Variants in CCND3 observed in about 807,000 individuals in gnomAD.
The protein encoded by CCND3 is cyclin D3, also known as G1/S-specific cyclin-D3.
CCND3 carries 9 observed loss-of-function variants against 28.7 expected under a neutral mutation model. That is an observed-to-expected ratio of 0.31 (90% CI 0.19 to 0.55). The LOEUF (loss-of-function observed/expected upper bound fraction) is 0.55. CCND3 is among the 20% of genes least tolerant of loss of function. The pLI is 0.93. For synonymous variants in CCND3, 164 were observed against 163.9 expected (o/e 1.00, Z 0.00); for missense variants, 315 against 385.8 (o/e 0.82, Z 1.54).
chr6:41,949,299 G>A (rs372704116), intron 1 of CCND3, among the ~76,000 whole-genome samples: 1 of 152,090 alleles, frequency 6.6e-6, no homozygotes, highest in East Asian at 1.9e-4. Context: ...GAGGCCAGGC[G>A]TTCAAGACCA....
At chr6:42,000,263 G>GTTTA (rs1762958941) in intron 1 of CCND3, among the ~76,000 whole-genome samples, 36 of 84,988 alleles carry the variant, frequency 4.2e-4, no homozygotes, top group Non-Finnish European at 5.1e-4. Context: ...TTTTTTTTTG[G>GTTTA]GACAGAGTCT....
intron 1 of CCND3, among the ~76,000 whole-genome samples, chr6:42,014,338 A>T (rs1187749935): frequency 6.6e-6 from 1 of 152,028 alleles, no homozygotes; most frequent in Non-Finnish European, 1.5e-5. Context: ...ACTGCACTCC[A>T]GCCTGGGCAA....
intron 1 of CCND3, among the ~76,000 whole-genome samples, chr6:41,957,620 CT>C (rs1776468482): frequency 6.6e-6 from 1 of 152,078 alleles, no homozygotes; most frequent in Non-Finnish European, 1.5e-5. Flanking sequence ...TGAATAAATC[CT>C]GTTTTCTCCC....
At chr6:42,028,445 G>T (rs534863429) in intron 1 of CCND3, among the ~76,000 whole-genome samples, 1 of 152,286 alleles carries the variant, frequency 6.6e-6, no homozygotes. Flanking sequence ...TCTCATTTTT[G>T]TCTGCCCATC....
intron 1 of CCND3, among the ~76,000 whole-genome samples, chr6:41,979,405 G>A (rs538417446): frequency 1.3e-5 from 2 of 150,100 alleles, no homozygotes; most frequent in Admixed American, 6.7e-5. Flanking sequence ...GTGGTGGCAG[G>A]CACCTGTAGT....
At chr6:41,960,558 C>A (rs1235938120) in intron 1 of CCND3, among the ~76,000 whole-genome samples, 1 of 152,106 alleles carries the variant, frequency 6.6e-6, no homozygotes, top group Non-Finnish European at 1.5e-5. Context: ...TGTGTGTGAC[C>A]GGGGGAAATT....
chr6:42,034,177 C>T (rs1764128664), intron 1 of CCND3, among the ~76,000 whole-genome samples: 2 of 148,464 alleles, frequency 1.3e-5, no homozygotes, highest in South Asian at 4.3e-4. Context: ...GATGGAGCCT[C>T]GCTCTTGTTG....
At chr6:41,999,456 G>A (rs1055013924) in intron 1 of CCND3, among the ~76,000 whole-genome samples, 10 of 152,042 alleles carry the variant, frequency 6.6e-5, no homozygotes, top group African/African-American at 2.4e-4. Flanking sequence ...CACCTGCCTC[G>A]GCCTCCCAAA....
chr6:42,007,344 G>A (rs540541450), intron 1 of CCND3, among the ~76,000 whole-genome samples: 3 of 152,290 alleles, frequency 2.0e-5, no homozygotes, highest in East Asian at 1.9e-4. Flanking sequence ...ATAGATGGGC[G>A]GGTGGATGGC....
intron 1 of CCND3, among the ~76,000 whole-genome samples, chr6:41,993,410 C>CT (rs70987558): frequency 0.16 from 16,574 of 101,606 alleles, 1,634 homozygotes; most frequent in East Asian, 0.33. Context: ...CTCATGTCTT[C>CT]TTTTTTTTTT....
chr6:41,943,560 T>C (rs1776097532), upstream of CCND3, among the ~76,000 whole-genome samples: 1 of 152,242 alleles, frequency 6.6e-6, no homozygotes. Flanking sequence ...TTAGACATAA[T>C]ACTGTAAAAT....
intron 1 of CCND3, among the ~76,000 whole-genome samples, chr6:41,960,946 G>A (rs7773255): frequency 0.1 from 15,395 of 152,156 alleles, 815 homozygotes; most frequent in African/African-American, 0.11. Flanking sequence ...AGAATAATGG[G>A]GGAGAACTCA....
At chr6:41,960,056 G>C (rs1761678526) in intron 1 of CCND3, among the ~76,000 whole-genome samples, 1 of 152,120 alleles carries the variant, frequency 6.6e-6, no homozygotes, top group South Asian at 2.1e-4. Flanking sequence ...GCCATAAAAA[G>C]GAGTGCAGTA....
In CCND3 at chr6:41,941,733, T is replaced by A; in HGVS notation, c.-84A>T. On this transcript the variant is annotated 5_prime_UTR_variant, in exon 1 of 5. Coordinates refer to ENST00000372991, the MANE Select transcript of CCND3 (RefSeq NM_001760.5). The surrounding 1 kb of genome is among the most constrained non-coding windows in gnomAD (Gnocchi z 6.1). The stretch of plus-strand genomic sequence containing the variant: ...CGGGCCGGAGAGCGCGGGGCGCGGG[T>A]CTGGCGCTGGCGCTGGCACTGCGCG... 9.5e-7 allele frequency: 1 copy of A among 1,049,244 alleles called. No individual in the cohort carries two copies. 65.0% of individuals were successfully genotyped at this position (1,049,244 alleles called of 1,614,324 possible).
chr6:41,992,489 T>A (rs1582139653), intron 1 of CCND3, among the ~76,000 whole-genome samples: 2 of 113,700 alleles, frequency 1.8e-5, no homozygotes, highest in Middle Eastern at 6.8e-3. Context: ...TTAGATGGAG[T>A]CTTGCTCTGT....
At chr6:41,965,272 G>A (rs532009261) in intron 1 of CCND3, among the ~76,000 whole-genome samples, 1 of 152,092 alleles carries the variant, frequency 6.6e-6, no homozygotes, top group South Asian at 2.1e-4. Context: ...GTTTCACCAT[G>A]TTGGTCAGGC....
intron 1 of CCND3, among the ~76,000 whole-genome samples, chr6:41,995,035 G>A (rs1762761043): frequency 6.6e-6 from 1 of 152,022 alleles, no homozygotes; most frequent in Non-Finnish European, 1.5e-5. Context: ...TCGTGCCATT[G>A]CATTCCAGCC....
intron 1 of CCND3, among the ~76,000 whole-genome samples, chr6:41,998,683 TA>T (rs1051293256): frequency 1.3e-5 from 2 of 151,462 alleles, no homozygotes; most frequent in Middle Eastern, 3.4e-3. Flanking sequence ...TATGCATTAT[TA>T]TTTTTTTTTT....
intron 1 of CCND3, among the ~76,000 whole-genome samples, chr6:42,020,135 C>T (rs1394210901): frequency 7.9e-5 from 12 of 151,990 alleles, no homozygotes; most frequent in Admixed American, 7.2e-4. Flanking sequence ...AAAAATTAGC[C>T]GAGCATGGTG....
Sources: allele counts gnomAD v4.1 joint callset (sites outside exome capture counted in the v4.1 genomes callset), GRCh38; gene constraint gnomAD v4.1.1; non-coding constraint Gnocchi (gnomAD v3.1); transcripts MANE v1.5; gene names NCBI Gene and HGNC (gene_info 2026-07-23, HGNC 2026-07-21).